Variants in FAT1 observed in about 807,000 individuals in gnomAD.
FAT1 encodes the protein FAT atypical cadherin 1.
Under a neutral mutation model 329.8 loss-of-function variants are expected in FAT1, and 171 were observed. The ratio of observed to expected loss-of-function variants is 0.52; its 90% CI spans 0.46 to 0.59. FAT1 has a LOEUF of 0.59. Ranked by LOEUF, FAT1 falls within the 20% of genes least tolerant of loss-of-function variation. The probability of loss-of-function intolerance (pLI) is 0.00; values close to 1 mark genes in which losing one functional copy is unlikely to be tolerated. For synonymous variants in FAT1, 2,233 were observed against 2,228.6 expected (o/e 1.00, Z -0.06); for missense variants, 5,672 against 5,774.4 (o/e 0.98, Z 0.57).
intron 3 of FAT1, among the ~76,000 whole-genome samples, chr4:186,653,719 T>A (rs1057093101): frequency 4.6e-5 from 7 of 152,220 alleles, no homozygotes; most frequent in Non-Finnish European, 1.0e-4. Flanking sequence ...TTATTTCGTT[T>A]ATTTACAAAG....
chr4:186,645,994 CACACACACACAT>C (rs1299485946), intron 3 of FAT1, among the ~76,000 whole-genome samples: 2 of 146,938 alleles, frequency 1.4e-5, no homozygotes, highest in Non-Finnish European at 1.5e-5. Context: ...CACACACACA[CACACACACACAT>C]GAAAGATGGC....
At chr4:186,621,825 A>G (rs764033243) in intron 9 of FAT1, 50 bp from the exon 10 acceptor site, 1 of 1,148,254 alleles carries the variant, frequency 8.7e-7, no homozygotes, top group African/African-American at 1.6e-5. Flanking sequence ...AAGGGGCAGT[A>G]GTAGTAGTAG....
At chr4:186,638,075 T>C (rs1246327801) in intron 4 of FAT1, among the ~76,000 whole-genome samples, 1 of 149,096 alleles carries the variant, frequency 6.7e-6, no homozygotes, top group Non-Finnish European at 1.5e-5. Context: ...CAAGAACCAG[T>C]AGCTAGTCAC....
intron 2 of FAT1, among the ~76,000 whole-genome samples, chr4:186,704,104 C>T (rs1242473506): frequency 6.6e-6 from 1 of 152,206 alleles, no homozygotes; most frequent in Non-Finnish European, 1.5e-5. Flanking sequence ...CTACTGTACA[C>T]TACTTACTTT....
chr4:186,645,422 T>TATATCTCTAA lies in FAT1; in HGVS notation c.3581-5640_3581-5639insTTAGAGATAT, dbSNP rs1420963668. Among the ~76,000 whole-genome samples the TATATCTCTAA allele has an allele frequency of 2.1e-4, 12 of 58,008 alleles. 1 individual carries two copies. Among genetic ancestry groups the TATATCTCTAA allele is most frequent in the African/African-American group, 8.9e-4 (12 of 13,450 alleles). The allele number at this position is 58,008 out of a possible 152,430, so 38.1% of individuals were successfully genotyped here. On this transcript the variant is annotated intron_variant, in intron 3 of 26. Coordinates refer to ENST00000441802, the MANE Select transcript of FAT1 (RefSeq NM_005245.4). Reference sequence around the variant, plus strand: ...ATATATATATATATATATATATATATGCCTGTAAAAAACTGAGATATATCC... The same window carrying TATATCTCTAA: ...ATATATATATATATATATATATATATATATCTCTAAGCCTGTAAAAAACTGAGATATATCC...
intron 1 of FAT1, among the ~76,000 whole-genome samples, chr4:186,721,263 T>TA (rs5865005): frequency 0.057 from 8,648 of 152,280 alleles, 503 homozygotes; most frequent in African/African-American, 0.15. Context: ...TTAAAAAACT[T>TA]AAAAGAGTGA....
intron 3 of FAT1, among the ~76,000 whole-genome samples, chr4:186,657,075 C>T (rs111414175): frequency 2.0e-5 from 3 of 152,052 alleles, no homozygotes; most frequent in African/African-American, 7.2e-5. Flanking sequence ...TGAGGGGACA[C>T]CCACGATCGC....
rs2126512252 is a variant in FAT1 at position 186,620,087 on chromosome 4, C to T, written c.6499G>A (p.Glu2167Lys). ...KDGGNPAFSA[E>K]VIVPITVMNK... ...ATGACAGTGATCGGAACGATAACTTCCGCTGAAAAGGCCGGGTTCCCTCCA... is the reference window on the plus strand; with the variant it reads ...ATGACAGTGATCGGAACGATAACTTTCGCTGAAAAGGCCGGGTTCCCTCCA... Residue 2167 changes from glutamate to lysine, a missense_variant, in exon 10 of 27, where the codon GAA (glutamate) becomes AAA (lysine). By Grantham distance (56) the Glu-to-Lys change is moderately conservative. Coordinates refer to ENST00000441802, the MANE Select transcript of FAT1 (RefSeq NM_005245.4). 1 of 1,613,990 alleles carries T rather than the reference C, an allele frequency of 6.2e-7. No individual in the cohort carries two copies. Among genetic ancestry groups the T allele is most frequent in the Non-Finnish European group, 8.5e-7 (1 of 1,179,890 alleles).
intron 15 of FAT1, 101 bp from the exon 16 acceptor site, chr4:186,609,421 G>T: frequency 7.2e-7 from 1 of 1,380,764 alleles, no homozygotes; most frequent in Non-Finnish European, 9.6e-7. Flanking sequence ...TCTTTTTGTT[G>T]TTGTTTTTTT....
chr4:186,713,960 T>C lies in FAT1; in HGVS notation c.-18-4115A>G, dbSNP rs1252892892. On this transcript the variant is annotated intron_variant, in intron 1 of 26. Transcript: ENST00000441802. Reference sequence around the variant, plus strand: ...ACTCGGCCTCCCGAACTGCTAGGATTACAGGTGTGAGCCACTGCATCCAAC... The same window carrying C: ...ACTCGGCCTCCCGAACTGCTAGGATCACAGGTGTGAGCCACTGCATCCAAC... 2.0e-5 allele frequency among the ~76,000 whole-genome samples: 3 copies of C among 152,352 alleles called. No homozygotes were observed. The East Asian group carries it at 5.8e-4, about 29-fold the overall frequency.
At chr4:186,633,178 T>G (rs1429682200) in intron 7 of FAT1, among the ~76,000 whole-genome samples, 2 of 152,166 alleles carry the variant, frequency 1.3e-5, no homozygotes, top group East Asian at 3.8e-4. Context: ...TTTTAACACT[T>G]AAGTTTGAAA....
In FAT1 at chr4:186,708,465, C is replaced by T. The variant is rs369596981; in HGVS notation, c.1363G>A (p.Gly455Ser). Reference protein sequence around the residue: ...ASTKVLVKVLGANSNPPEFTQ... With the variant: ...ASTKVLVKVLSANSNPPEFTQ... ...AATTCAGGGGGATTGCTATTTGCAC[C>T]TAAGACTTTCACCAAGACCTTGGTG... is the stretch of plus-strand genomic sequence containing the variant. The change falls in exon 2 of 27, where the codon GGT (glycine) becomes AGT (serine). Residue 455 changes from glycine (G) to serine (S), a missense_variant. Gly to Ser is a moderately conservative substitution (Grantham distance 56). This residue lies in a region of FAT1 where 3,966 missense variants were observed against 3,915.2 expected (regional missense o/e 1.01). Transcript: ENST00000441802. 3.1e-6 allele frequency: 5 copies of T among 1,613,850 alleles called. No individual in the cohort carries two copies. The highest frequency in any genetic ancestry group is 3.4e-6 in the Non-Finnish European group (4 of 1,179,892).
At chr4:186,711,103 T>A (rs1030365498) in intron 1 of FAT1, among the ~76,000 whole-genome samples, 2 of 152,190 alleles carry the variant, frequency 1.3e-5, no homozygotes, top group African/African-American at 4.8e-5. Flanking sequence ...CAGAGGTAAA[T>A]GAAGAGCAAA....
chr4:186,703,436 T>C (rs1744421791), intron 2 of FAT1, among the ~76,000 whole-genome samples: 1 of 152,240 alleles, frequency 6.6e-6, no homozygotes. Context: ...ATAGGTTCTC[T>C]GTTCTGTGAA....
rs747995140 is a variant in FAT1 at position 186,609,862 on chromosome 4, C to T, written c.10007G>A (p.Ser3336Asn). ...GATGACTGTCGTGTAGGTGTCTTGG[C>T]TGAACACAGGGGTATTATCGTTGAT... ...TDINDNTPVFSQDTYTTVISE... is the reference protein window; with the variant it reads ...TDINDNTPVFNQDTYTTVISE... Residue 3336 changes from serine (S) to asparagine (N), a missense_variant, in exon 15 of 27, where the codon AGC becomes AAC. Coordinates refer to ENST00000441802, the MANE Select transcript of FAT1 (RefSeq NM_005245.4). 21 of 1,613,448 alleles carry T rather than the reference C, an allele frequency of 1.3e-5. No homozygotes were observed. In the Admixed American group the frequency reaches 2.5e-4, roughly 19 times the overall value.
chr4:186,663,507 C>G lies in FAT1; in HGVS notation c.3372G>C (p.Glu1124Asp), dbSNP rs1169496752. ...TGACATCCTCAACCTCTATGTAGAT[C>G]TCTATGAACGATGAAAGAGGCACGA... ...QGVVPLSSFI[E>D]IYIEVEDVND... The change falls in exon 3 of 27, where the codon GAG becomes GAC. Residue 1124 changes from glutamate to aspartate, a missense_variant. Glu to Asp is a conservative substitution (Grantham distance 45). This residue lies in a region of FAT1 where 3,966 missense variants were observed against 3,915.2 expected (regional missense o/e 1.01). Transcript: ENST00000441802. 6.2e-7 allele frequency: 1 copy of G among 1,613,980 alleles called. No homozygotes were observed. Among genetic ancestry groups the G allele is most frequent in the Non-Finnish European group, 8.5e-7 (1 of 1,179,898 alleles).
chr4:186,595,222 C>T (rs1738441776), intron 26 of FAT1, among the ~76,000 whole-genome samples: 1 of 152,028 alleles, frequency 6.6e-6, no homozygotes, highest in Admixed American at 6.6e-5. Flanking sequence ...GGGGAGGAGA[C>T]AAATAAAACC....
At chr4:186,635,321 C>A (rs1272944384) in intron 6 of FAT1, among the ~76,000 whole-genome samples, 2 of 149,834 alleles carry the variant, frequency 1.3e-5, no homozygotes, top group African/African-American at 4.9e-5. Context: ...AAAAAAAAAT[C>A]TAAGATGCAA....
chr4:186,617,366 A>C (rs1038986079), intron 10 of FAT1, among the ~76,000 whole-genome samples, 165 bp from the exon 11 acceptor site: 6 of 152,242 alleles, frequency 3.9e-5, no homozygotes, highest in Non-Finnish European at 8.8e-5. Flanking sequence ...TACAAAAACA[A>C]GGGCAGCATT....
Sources: allele counts gnomAD v4.1 joint callset (sites outside exome capture counted in the v4.1 genomes callset), GRCh38; gene constraint gnomAD v4.1.1; regional missense constraint gnomAD v4.1.1; transcripts MANE v1.5; gene names NCBI Gene and HGNC (gene_info 2026-07-23, HGNC 2026-07-21).